BMPR1A: variants seen among roughly 807,000 people sequenced by gnomAD.
BMPR1A encodes the protein bone morphogenetic protein receptor type-1A.
A neutral mutation model predicts 66.0 loss-of-function variants in BMPR1A; 7 were observed. The observed-to-expected ratio is 0.11, with a 90% CI of 0.06 to 0.20. The LOEUF (loss-of-function observed/expected upper bound fraction) is 0.20. BMPR1A is among the 10% of genes least tolerant of loss of function. The pLI is 1.00. For synonymous variants in BMPR1A, 200 were observed against 229.7 expected, an observed-to-expected ratio of 0.87 and a Z score of 1.17; for missense variants, 408 against 669.1, an observed-to-expected ratio of 0.61 and a Z score of 4.31.
chr10:86,764,301 A>G (rs1182242011), intron 1 of BMPR1A, among the ~76,000 whole-genome samples: 1 of 152,224 alleles, frequency 6.6e-6, no homozygotes, highest in Non-Finnish European at 1.5e-5. Context: ...GAGGCTCTTA[A>G]TGTCTGCATT....
chr10:86,758,131 T>C (rs1261562400), intron 1 of BMPR1A, among the ~76,000 whole-genome samples: 1 of 152,244 alleles, frequency 6.6e-6, no homozygotes, highest in Non-Finnish European at 1.5e-5. Flanking sequence ...AATTCTCTGA[T>C]CTAGGAATGG....
intron 2 of BMPR1A, among the ~76,000 whole-genome samples, chr10:86,870,021 A>G (rs1842835110): frequency 1.3e-5 from 2 of 152,120 alleles, no homozygotes; most frequent in South Asian, 2.1e-4. Flanking sequence ...TTTAAAAATT[A>G]TTTATATTTA....
chr10:86,908,932 G>C (rs1843436855), intron 7 of BMPR1A, among the ~76,000 whole-genome samples: 1 of 152,168 alleles, frequency 6.6e-6, no homozygotes, highest in South Asian at 2.1e-4. Context: ...TCAGAGCACA[G>C]GGAGCATTTC....
At chr10:86,792,717 G>A (rs1201337097) in intron 1 of BMPR1A, among the ~76,000 whole-genome samples, 1 of 152,076 alleles carries the variant, frequency 6.6e-6, no homozygotes, top group Admixed American at 6.6e-5. Context: ...CTATATGCAG[G>A]GCAAATGTAC....
At chr10:86,831,989 ATATACC>A (rs1842274456) in intron 1 of BMPR1A, among the ~76,000 whole-genome samples, 1 of 152,198 alleles carries the variant, frequency 6.6e-6, no homozygotes, top group South Asian at 2.1e-4. Context: ...TGTAAAGATG[ATATACC>A]TATAAGTAGG....
At chr10:86,844,297 A>G (rs944877456) in intron 2 of BMPR1A, among the ~76,000 whole-genome samples, 2 of 152,210 alleles carry the variant, frequency 1.3e-5, no homozygotes, top group Non-Finnish European at 2.9e-5. Flanking sequence ...CTCTTTTGCT[A>G]TCATGTTAAA....
At chr10:86,816,805 G>A (rs1842040998) in intron 1 of BMPR1A, among the ~76,000 whole-genome samples, 1 of 152,170 alleles carries the variant, frequency 6.6e-6, no homozygotes, top group Admixed American at 6.5e-5. Flanking sequence ...TCACCTACAT[G>A]CAGAGAGGGT....
chr10:86,775,257 A>G (rs770810879), intron 1 of BMPR1A, among the ~76,000 whole-genome samples: 2 of 152,214 alleles, frequency 1.3e-5, no homozygotes, highest in African/African-American at 2.4e-5. Context: ...CCTGTACACC[A>G]GCAATAGCCG....
At chr10:86,828,116 C>T (rs910348408) in intron 1 of BMPR1A, among the ~76,000 whole-genome samples, 2 of 152,178 alleles carry the variant, frequency 1.3e-5, no homozygotes, top group Non-Finnish European at 2.9e-5. Context: ...CGTGCCACTG[C>T]ACTCTACCCT....
intron 7 of BMPR1A, among the ~76,000 whole-genome samples, chr10:86,910,788 A>G (rs1315361268): frequency 6.6e-6 from 1 of 152,224 alleles, no homozygotes; most frequent in Admixed American, 6.5e-5. Flanking sequence ...TGAATGGACC[A>G]TATGACTAAA....
At chr10:86,906,747 A>C (rs1478050913) in intron 7 of BMPR1A, among the ~76,000 whole-genome samples, 1 of 33,418 alleles carries the variant, frequency 3.0e-5, no homozygotes, top group Admixed American at 2.3e-4. Flanking sequence ...AAAAAAAAAA[A>C]AAAAAAAAAA....
intron 1 of BMPR1A, among the ~76,000 whole-genome samples, chr10:86,777,533 C>T (rs1361501661): frequency 6.6e-6 from 1 of 151,756 alleles, no homozygotes; most frequent in Non-Finnish European, 1.5e-5. Context: ...AGTGAGCTGT[C>T]ATTGCACCAC....
chr10:86,763,411 G>A (rs910694480), intron 1 of BMPR1A, among the ~76,000 whole-genome samples: 3 of 151,974 alleles, frequency 2.0e-5, no homozygotes, highest in Non-Finnish European at 2.9e-5. Flanking sequence ...CCGAATCTTC[G>A]TTTCTTTATC....
chr10:86,921,144 G>A (rs547229990), intron 10 of BMPR1A, among the ~76,000 whole-genome samples: 11 of 152,216 alleles, frequency 7.2e-5, no homozygotes, highest in East Asian at 1.9e-4. Flanking sequence ...ATGAGCAACC[G>A]TGCCTGGCTT....
chr10:86,784,869 TTTTAATTA>T (rs1841494654), intron 1 of BMPR1A, among the ~76,000 whole-genome samples: 1 of 152,148 alleles, frequency 6.6e-6, no homozygotes, highest in Non-Finnish European at 1.5e-5. Flanking sequence ...TCATTTCTGA[TTTTAATTA>T]TTTGAGTCTT....
intron 1 of BMPR1A, among the ~76,000 whole-genome samples, chr10:86,805,609 G>A (rs368653771): frequency 5.3e-5 from 8 of 151,936 alleles, no homozygotes; most frequent in South Asian, 4.2e-4. Flanking sequence ...CTACAGGCGC[G>A]TGCCACCACG....
At chr10:86,769,412 C>T (rs7899560) in intron 1 of BMPR1A, among the ~76,000 whole-genome samples, 12,410 of 152,216 alleles carry the variant, frequency 0.082, 970 homozygotes, top group African/African-American at 0.2. Flanking sequence ...GACAACATAG[C>T]GAGACCCTGT....
chr10:86,777,584 G>GA (rs556460653), intron 1 of BMPR1A, among the ~76,000 whole-genome samples: 70 of 142,618 alleles, frequency 4.9e-4, no homozygotes, highest in East Asian at 3.2e-3. Flanking sequence ...TGTCTCAAAA[G>GA]AAAAAAAAAA....
chr10:86,815,217 C>T (rs1842019844), intron 1 of BMPR1A, among the ~76,000 whole-genome samples: 1 of 152,178 alleles, frequency 6.6e-6, no homozygotes, highest in South Asian at 2.1e-4. Flanking sequence ...TTTCTAATTT[C>T]ACAGAGTTAT....
Sources: gnomAD v4.1 joint callset for allele counts (sites outside exome capture counted in the v4.1 genomes callset) on GRCh38, gnomAD v4.1.1 for gene constraint, MANE v1.5 for transcripts, NCBI Gene and HGNC (gene_info 2026-07-23, HGNC 2026-07-21) for gene names.